GALNT13: variants seen among roughly 807,000 people sequenced by gnomAD.
GALNT13 encodes polypeptide N-acetylgalactosaminyltransferase 13, also known as UDP-GalNAc:polypeptide N-acetylgalactosaminyltransferase 13.
In GALNT13, 28 loss-of-function variants were observed where a neutral mutation model predicts 64.2. That is an observed-to-expected ratio of 0.44 (90% CI 0.32 to 0.60). The LOEUF is 0.60. GALNT13 is among the 20% of genes least tolerant of loss of function. The pLI is 0.05. For missense variants in GALNT13, 577 were observed against 669.8 expected, an observed-to-expected ratio of 0.86 and a Z score of 1.53; for synonymous variants, 214 against 224.6, an observed-to-expected ratio of 0.95 and a Z score of 0.42.
intron 3 of GALNT13, among the ~76,000 whole-genome samples, chr2:153,974,103 T>G (rs1693919741): frequency 6.6e-6 from 1 of 152,072 alleles, no homozygotes. Flanking sequence ...TACCAATCTT[T>G]TCTCCACACT....
rs145835453 is a variant in GALNT13 at position 154,346,580 on chromosome 2, T to C, written c.1156+44991T>C. Among the ~76,000 whole-genome samples the C allele has an allele frequency of 4.0e-4, 61 of 152,210 alleles. No individual in the cohort carries two copies. The East Asian group carries it at 0.011, about 28-fold the overall frequency. ...TTTGCTTGGCTCTCATTTTCCCTTG[T>C]CTGCCACCATGTAAAGTGTACCTTT... On this transcript the variant is annotated intron_variant, in intron 9 of 12. Transcript: ENST00000392825.
chr2:153,770,090 A>G, the GALNT13 span, among the ~76,000 whole-genome samples: 8 of 152,098 alleles, frequency 5.3e-5, no homozygotes, highest in Non-Finnish European at 8.8e-5. Flanking sequence ...GTTAAGATCC[A>G]TTGCTGGAGA....
intron 3 of GALNT13, among the ~76,000 whole-genome samples, chr2:154,019,635 CACACACACACACACACACAA>C (rs1697286578): frequency 2.0e-5 from 3 of 149,476 alleles, no homozygotes; most frequent in South Asian, 4.3e-4. Flanking sequence ...CACACACACA[CACACACACACACACACACAA>C]AAGCAAGAAA....
At chr2:154,267,217 T>C (rs1691059286) in intron 8 of GALNT13, among the ~76,000 whole-genome samples, 1 of 152,000 alleles carries the variant, frequency 6.6e-6, no homozygotes, top group Non-Finnish European at 1.5e-5. Flanking sequence ...AATATAAAAT[T>C]ATAAAAGAAA....
the GALNT13 span, among the ~76,000 whole-genome samples, chr2:153,352,661 T>C: frequency 1.3e-5 from 2 of 152,126 alleles, no homozygotes; most frequent in Non-Finnish European, 2.9e-5. Context: ...TCTAGAATCA[T>C]ATATTTGCAT....
the GALNT13 span, among the ~76,000 whole-genome samples, chr2:153,705,765 G>T: frequency 5.9e-5 from 9 of 152,218 alleles, no homozygotes; most frequent in South Asian, 1.9e-3. Context: ...ATGGAACAAA[G>T]AAATATTTTC....
chr2:153,634,614 G>A, the GALNT13 span, among the ~76,000 whole-genome samples: 1 of 132,956 alleles, frequency 7.5e-6, no homozygotes, highest in South Asian at 2.5e-4. Flanking sequence ...GCAGTGGCCC[G>A]ATCTCAGCTC....
chr2:154,304,311 G>A, intron 9 of GALNT13, among the ~76,000 whole-genome samples: 1 of 152,172 alleles, frequency 6.6e-6, no homozygotes, highest in East Asian at 1.9e-4. Context: ...AATTCAGCAA[G>A]AGCATGTAAT....
chr2:153,868,274 C>T (rs950772625), upstream of GALNT13, among the ~76,000 whole-genome samples: 1 of 152,054 alleles, frequency 6.6e-6, no homozygotes, highest in Non-Finnish European at 1.5e-5. Context: ...TCCTCTTTGT[C>T]TTCAAAACCT....
chr2:153,669,675 G>T, the GALNT13 span, among the ~76,000 whole-genome samples: 1 of 152,270 alleles, frequency 6.6e-6, no homozygotes, highest in African/African-American at 2.4e-5. Flanking sequence ...ACTGGGACTA[G>T]TGGGTGCAGC....
chr2:154,284,169 C>A (rs185636606), intron 8 of GALNT13, among the ~76,000 whole-genome samples: 3 of 152,188 alleles, frequency 2.0e-5, no homozygotes, highest in Non-Finnish European at 4.4e-5. Flanking sequence ...ATACAAAATA[C>A]ATCATCATTA....
intron 4 of GALNT13, among the ~76,000 whole-genome samples, chr2:154,214,629 T>C (rs192320821): frequency 6.3e-4 from 96 of 152,248 alleles, no homozygotes; most frequent in African/African-American, 2.3e-3. Context: ...CTGATGGTTT[T>C]ATAAGGCTCT....
chr2:154,023,044 C>T (rs1053838913), intron 3 of GALNT13, among the ~76,000 whole-genome samples: 6 of 152,128 alleles, frequency 3.9e-5, no homozygotes, highest in African/African-American at 4.8e-5. Context: ...AATTAGATTG[C>T]ACTGTGGTCT....
chr2:154,094,268 G>A (rs778800733), intron 3 of GALNT13, among the ~76,000 whole-genome samples: 3 of 151,886 alleles, frequency 2.0e-5, no homozygotes, highest in Admixed American at 6.6e-5. Flanking sequence ...TAAAGCAATA[G>A]GTGCAGATCG....
intron 8 of GALNT13, chr2:154,286,919 TC>T (rs1165268372): frequency 2.0e-6 from 1 of 493,306 alleles, no homozygotes; most frequent in Non-Finnish European, 3.8e-6. Context: ...TTCACCAGCA[TC>T]GGAGAGGACT....
the GALNT13 span, among the ~76,000 whole-genome samples, chr2:153,502,217 G>A: frequency 1.1e-4 from 16 of 152,068 alleles, no homozygotes; most frequent in Non-Finnish European, 1.9e-4. Context: ...TACTCAATGT[G>A]TAGTCTTTTA....
chr2:153,373,583 C>T, the GALNT13 span, among the ~76,000 whole-genome samples: 6 of 152,116 alleles, frequency 3.9e-5, no homozygotes, highest in Non-Finnish European at 7.4e-5. Context: ...ATTTTTCAAA[C>T]TAAAAACATT....
At chr2:153,811,261 A>T in the GALNT13 span, among the ~76,000 whole-genome samples, 1 of 152,206 alleles carries the variant, frequency 6.6e-6, no homozygotes, top group Non-Finnish European at 1.5e-5. Flanking sequence ...ATTGTTGGAC[A>T]AAGTGGGTAT....
the GALNT13 span, among the ~76,000 whole-genome samples, chr2:153,292,414 G>A: frequency 7.2e-5 from 11 of 152,260 alleles, no homozygotes; most frequent in African/African-American, 1.9e-4. Context: ...ATGCCCTTCC[G>A]GAGATACAGT....
Sources: gnomAD v4.1 joint callset for allele counts (sites outside exome capture counted in the v4.1 genomes callset) on GRCh38, gnomAD v4.1.1 for gene constraint, MANE v1.5 for transcripts, NCBI Gene and HGNC (gene_info 2026-07-23, HGNC 2026-07-21) for gene names.